Variants in RBFOX3 observed in about 807,000 individuals in gnomAD.
The protein encoded by RBFOX3 is RNA binding fox-1 homolog 3.
A neutral mutation model predicts 48.7 loss-of-function variants in RBFOX3; 17 were observed. That is an observed-to-expected ratio of 0.35 (90% CI 0.24 to 0.52). The LOEUF (loss-of-function observed/expected upper bound fraction) is 0.52, where lower values mean the gene tolerates loss of function less well. RBFOX3 is among the 20% of genes least tolerant of loss of function. RBFOX3 has a pLI of 0.94. For synonymous variants in RBFOX3, 212 were observed against 209.5 expected (o/e 1.01, Z -0.10); for missense variants, 382 against 497.5 (o/e 0.77, Z 2.21).
intron 4 of RBFOX3, among the ~76,000 whole-genome samples, chr17:79,141,130 C>T (rs144324848): frequency 3.9e-5 from 6 of 152,246 alleles, no homozygotes; most frequent in South Asian, 2.1e-4. Context: ...ACGCGGCTGT[C>T]GATACAGGCA....
chr17:79,189,999 G>A (rs1599883945), intron 4 of RBFOX3, among the ~76,000 whole-genome samples: 2 of 152,362 alleles, frequency 1.3e-5, no homozygotes, highest in Non-Finnish European at 1.5e-5. Context: ...GCTGCTCCAC[G>A]CAGCCCACCC....
At chr17:79,524,786 G>A (rs1271194166) in intron 1 of RBFOX3, among the ~76,000 whole-genome samples, 2 of 152,106 alleles carry the variant, frequency 1.3e-5, no homozygotes, top group Admixed American at 6.5e-5. Flanking sequence ...AGAGCACCTC[G>A]AACATGGCAT....
intron 4 of RBFOX3, among the ~76,000 whole-genome samples, chr17:79,213,919 T>C (rs557660310): frequency 5.9e-5 from 9 of 152,314 alleles, no homozygotes; most frequent in African/African-American, 1.9e-4. Flanking sequence ...GTTTTGGGAA[T>C]TGAGGATGTG....
intron 2 of RBFOX3, among the ~76,000 whole-genome samples, chr17:79,312,812 A>G (rs895601265): frequency 2.0e-5 from 3 of 152,088 alleles, no homozygotes; most frequent in African/African-American, 7.2e-5. Context: ...ACATGTGAGG[A>G]TGGAGGGGCA....
chr17:79,521,399 GACAC>G (rs1338221363), intron 1 of RBFOX3, among the ~76,000 whole-genome samples: 2 of 151,024 alleles, frequency 1.3e-5, no homozygotes, highest in African/African-American at 2.4e-5. Context: ...CACATACACA[GACAC>G]ACACATACCC....
intron 2 of RBFOX3, among the ~76,000 whole-genome samples, chr17:79,384,885 G>C (rs1478236537): frequency 1.3e-5 from 2 of 152,258 alleles, no homozygotes; most frequent in African/African-American, 4.8e-5. Flanking sequence ...ATGTTTCAGT[G>C]GGGAGGGAGA....
intron 14 of RBFOX3, among the ~76,000 whole-genome samples, chr17:79,093,145 G>A (rs1259614571): frequency 1.3e-5 from 2 of 152,128 alleles, no homozygotes; most frequent in African/African-American, 4.8e-5. Context: ...CTCTCTGGGG[G>A]GGTCTCTGGG....
intron 1 of RBFOX3, among the ~76,000 whole-genome samples, chr17:79,561,616 G>A (rs2092223487): frequency 2.6e-5 from 4 of 152,264 alleles, no homozygotes; most frequent in Admixed American, 2.6e-4. Context: ...AGCAGTGAGT[G>A]CCCAGTGTAT....
chr17:79,143,376 GGGGT>G (rs201277260), intron 4 of RBFOX3, among the ~76,000 whole-genome samples: 2,299 of 126,130 alleles, frequency 0.018, 125 homozygotes, highest in African/African-American at 0.021. Context: ...GGTGGAGCGG[GGGGT>G]GGGGGGGGGT....
chr17:79,459,593 T>G (rs782017328), intron 2 of RBFOX3, among the ~76,000 whole-genome samples: 32 of 151,998 alleles, frequency 2.1e-4, no homozygotes, highest in Non-Finnish European at 3.7e-4. Context: ...CCCCTGGAAG[T>G]CAAGTCCACC....
At chr17:79,325,855 T>C (rs1286648278) in intron 2 of RBFOX3, among the ~76,000 whole-genome samples, 1 of 152,128 alleles carries the variant, frequency 6.6e-6, no homozygotes, top group Non-Finnish European at 1.5e-5. Context: ...CAGTTCCGTT[T>C]AGCTTGCAGA....
At chr17:79,290,373 G>C (rs1047832336) in intron 3 of RBFOX3, among the ~76,000 whole-genome samples, 1 of 152,160 alleles carries the variant, frequency 6.6e-6, no homozygotes. Context: ...AAGCCATCGA[G>C]CCTCTAAGGG....
intron 1 of RBFOX3, among the ~76,000 whole-genome samples, chr17:79,490,503 C>A (rs2080330254): frequency 6.6e-6 from 1 of 152,140 alleles, no homozygotes; most frequent in African/African-American, 2.4e-5. Context: ...GGCTCAAAAT[C>A]AGAAATGTTC....
At chr17:79,657,023 G>A in the RBFOX3 span, among the ~76,000 whole-genome samples, 8 of 152,242 alleles carry the variant, frequency 5.3e-5, no homozygotes, top group African/African-American at 1.9e-4. Context: ...CCTCTGCCCT[G>A]TTCCAACAGG....
chr17:79,396,319 C>A (rs890778677), intron 2 of RBFOX3, among the ~76,000 whole-genome samples: 1 of 152,150 alleles, frequency 6.6e-6, no homozygotes, highest in Non-Finnish European at 1.5e-5. Flanking sequence ...TGTGTCTGTG[C>A]GTCTGAGATG....
At chr17:79,656,792 AAG>A in the RBFOX3 span, among the ~76,000 whole-genome samples, 2 of 1,640 alleles carry the variant, frequency 1.2e-3, no homozygotes, top group Non-Finnish European at 1.7e-3. Context: ...GAAAGAAAGA[AAG>A]AAAGAAAGAA....
At chr17:79,533,563 C>T (rs1289417130) in intron 1 of RBFOX3, among the ~76,000 whole-genome samples, 2 of 152,216 alleles carry the variant, frequency 1.3e-5, no homozygotes, top group Non-Finnish European at 2.9e-5. Flanking sequence ...TCACAGAAAC[C>T]AGCATCAGTT....
rs2077923208 is a variant in RBFOX3, at chr17:79,477,132, C to G, written c.-175+5322G>C. Among the ~76,000 whole-genome samples the G allele has an allele frequency of 1.3e-5, 2 of 150,658 alleles. No homozygotes were observed. The highest frequency in any genetic ancestry group is 2.4e-5 in the African/African-American group (1 of 40,842). On this transcript the variant is annotated intron_variant, in intron 2 of 14. Coordinates refer to ENST00000693108, the MANE Select transcript of RBFOX3 (RefSeq NM_001350451.2). The surrounding 1 kb of genome is among the most constrained non-coding windows in gnomAD (Gnocchi z 4.8). ...CCTGTAATCCCAGTTACTCGGGAAG[C>G]TGAGGCAGGAGAATCTCTTAAACCC...
intron 4 of RBFOX3, among the ~76,000 whole-genome samples, chr17:79,223,763 G>T (rs115983659): frequency 1.3e-5 from 2 of 152,282 alleles, no homozygotes; most frequent in African/African-American, 4.8e-5. Context: ...GTCCTGGGCC[G>T]TCGACACATT....
Sources: allele counts gnomAD v4.1 joint callset (sites outside exome capture counted in the v4.1 genomes callset), GRCh38; gene constraint gnomAD v4.1.1; non-coding constraint Gnocchi (gnomAD v3.1); transcripts MANE v1.5; gene names NCBI Gene and HGNC (gene_info 2026-07-23, HGNC 2026-07-21).